Variants in FTO observed in about 807,000 individuals in gnomAD.
FTO encodes alpha-ketoglutarate-dependent dioxygenase FTO.
Under a neutral mutation model 63.9 loss-of-function variants are expected in FTO, and 47 were observed. That is an observed-to-expected ratio of 0.74 (90% CI 0.58 to 0.94). FTO has a LOEUF of 0.94. FTO is among the 40% of genes least tolerant of loss of function. The pLI is 0.00. For synonymous variants in FTO, 207 were observed against 224.4 expected (o/e 0.92, Z 0.69); for missense variants, 562 against 618.1 (o/e 0.91, Z 0.96).
intron 4 of FTO, among the ~76,000 whole-genome samples, chr16:53,862,081 C>G (rs918432644): frequency 6.6e-6 from 1 of 152,154 alleles, no homozygotes; most frequent in East Asian, 1.9e-4. Flanking sequence ...AAAACATCAT[C>G]TACTGAAAAT....
In FTO at chr16:54,114,889, G is replaced by A. The variant is rs1052461766; in HGVS notation, c.*2974G>A. 1 of 152,472 alleles carries A rather than the reference G, an allele frequency of 6.6e-6. No homozygotes were observed. Among genetic ancestry groups the A allele is most frequent in the African/African-American group, 2.4e-5 (1 of 41,458 alleles). 9.4% of individuals were successfully genotyped at this position (152,472 alleles called of 1,614,324 possible). ...ACTGCACTCCAGCCTGGGCCACGGA[G>A]CGAGAGAAGAAAGAAATGGTGACTT... On this transcript the variant is annotated 3_prime_UTR_variant, in exon 9 of 9. Coordinates refer to ENST00000471389, the MANE Select transcript of FTO (RefSeq NM_001080432.3).
rs377253844 is a variant in FTO at position 53,946,842 on chromosome 16, G to A, written c.1364+12733G>A. ...TGGGAGGCAACTGCAATGAACCCTC[G>A]GAAAGCATAGGTTTTGCTAAGGCAG... On this transcript the variant is annotated intron_variant, in intron 8 of 8. Transcript: ENST00000471389. 6.6e-5 allele frequency among the ~76,000 whole-genome samples: 10 copies of A among 152,188 alleles called. No individual in the cohort carries two copies. The East Asian group carries it at 7.7e-4, about 12-fold the overall frequency.
At chr16:53,911,537 T>A in intron 7 of FTO, 1 of 701,286 alleles carries the variant, frequency 1.4e-6, no homozygotes, top group East Asian at 2.7e-5. Context: ...TAGATGCATT[T>A]GTGTCATCTG....
intron 8 of FTO, among the ~76,000 whole-genome samples, chr16:54,063,247 C>T (rs2689247): frequency 0.069 from 10,498 of 152,246 alleles, 521 homozygotes; most frequent in East Asian, 0.14. Flanking sequence ...CAAAATACTA[C>T]TGCTGAACTG....
At chr16:53,763,132 G>C (rs2077110686) in intron 1 of FTO, among the ~76,000 whole-genome samples, 3 of 152,192 alleles carry the variant, frequency 2.0e-5, no homozygotes, top group Non-Finnish European at 4.4e-5. Flanking sequence ...AGGTTTGGAA[G>C]ATGTTTATCC....
chr16:54,012,021 C>T (rs1452521800), intron 8 of FTO, among the ~76,000 whole-genome samples: 2 of 152,202 alleles, frequency 1.3e-5, no homozygotes, highest in African/African-American at 2.4e-5. Flanking sequence ...ACATCTCTCA[C>T]TGTAATTCAA....
At chr16:53,914,228 T>G (rs1348588570) in intron 7 of FTO, among the ~76,000 whole-genome samples, 1 of 151,964 alleles carries the variant, frequency 6.6e-6, no homozygotes, top group Non-Finnish European at 1.5e-5. Context: ...TGTGATGTCT[T>G]AGAAGAAATA....
rs574886853 is a variant in FTO at position 53,708,961 on chromosome 16, A to G, written c.45+4732A>G. Among the ~76,000 whole-genome samples the G allele has an allele frequency of 2.2e-3, 342 of 152,282 alleles. 2 individuals carry two copies. Among genetic ancestry groups the G allele is most frequent in the African/African-American group, 7.9e-3 (327 of 41,572 alleles). ...ATGTGTGTTGCAAACATTATCTTCC[A>G]TTCATCTAGGTTACTTAATAGTTTT... On this transcript the variant is annotated intron_variant, in intron 1 of 8. Transcript: ENST00000471389.
In FTO at chr16:53,751,785, A is replaced by G. The variant is rs978958732; in HGVS notation, c.45+47556A>G. 2.6e-5 allele frequency among the ~76,000 whole-genome samples: 4 copies of G among 152,304 alleles called. No individual in the cohort carries two copies. In the South Asian group the frequency reaches 8.3e-4, roughly 32 times the overall value. On this transcript the variant is annotated intron_variant, in intron 1 of 8. Coordinates refer to ENST00000471389, the MANE Select transcript of FTO (RefSeq NM_001080432.3). ...TTGAATCATATACTATAAGTTGGTG[A>G]ATTTTATGTTACGTGAATTACATCT...
At chr16:53,917,148 A>G (rs1254945616) in intron 7 of FTO, among the ~76,000 whole-genome samples, 1 of 152,122 alleles carries the variant, frequency 6.6e-6, no homozygotes, top group East Asian at 1.9e-4. Flanking sequence ...AATCTGGGCC[A>G]CTCATTGAAC....
intron 1 of FTO, among the ~76,000 whole-genome samples, chr16:53,780,733 A>G (rs1236390899): frequency 6.6e-6 from 1 of 152,074 alleles, no homozygotes; most frequent in Non-Finnish European, 1.5e-5. Flanking sequence ...TTCTGCTATT[A>G]GACTGTCTGG....
chr16:53,746,399 A>G (rs114599539), intron 1 of FTO, among the ~76,000 whole-genome samples: 166 of 152,272 alleles, frequency 1.1e-3, no homozygotes, highest in African/African-American at 3.5e-3. Flanking sequence ...AGCAAGACAA[A>G]GACCTTTGTT....
chr16:54,041,916 G>A (rs577185948), intron 8 of FTO, among the ~76,000 whole-genome samples: 2 of 152,160 alleles, frequency 1.3e-5, no homozygotes, highest in Non-Finnish European at 2.9e-5. Flanking sequence ...AGAAGAGCAC[G>A]GGAGAAGATT....
At chr16:53,754,953 A>C (rs917617032) in intron 1 of FTO, among the ~76,000 whole-genome samples, 2 of 152,126 alleles carry the variant, frequency 1.3e-5, no homozygotes. Context: ...GAAGACAGAC[A>C]GTGCTAGGAC....
chr16:53,772,644 GA>G, intron 1 of FTO, among the ~76,000 whole-genome samples: 1 of 152,244 alleles, frequency 6.6e-6, no homozygotes, highest in South Asian at 2.1e-4. Context: ...GCTTGAGGAA[GA>G]CATGGATTTC....
At chr16:53,815,436 T>G (rs1217349349) in intron 2 of FTO, among the ~76,000 whole-genome samples, 1 of 152,128 alleles carries the variant, frequency 6.6e-6, no homozygotes, top group Non-Finnish European at 1.5e-5. Flanking sequence ...AGACACTGCC[T>G]CAACTATGTA....
chr16:53,820,009 T>C (rs2078810526), intron 2 of FTO, among the ~76,000 whole-genome samples: 1 of 138,442 alleles, frequency 7.2e-6, no homozygotes, highest in African/African-American at 2.5e-5. Context: ...TTTCTTCTTC[T>C]TCTTTTTTTT....
At chr16:53,788,257 AT>A (rs113935429) in intron 1 of FTO, among the ~76,000 whole-genome samples, 57,053 of 150,956 alleles carry the variant, frequency 0.38, 11,139 homozygotes, top group African/African-American at 0.47. Context: ...TACTCTTAAC[AT>A]TTTTTTCCCC....
At chr16:54,072,109 T>C (rs2144459178) in intron 8 of FTO, 1 of 152,356 alleles carries the variant, frequency 6.6e-6, no homozygotes, top group South Asian at 2.1e-4. Context: ...GCCAGGAGGC[T>C]GCTGGGCTCT....
Sources: gnomAD v4.1 joint callset for allele counts (sites outside exome capture counted in the v4.1 genomes callset) on GRCh38, gnomAD v4.1.1 for gene constraint, MANE v1.5 for transcripts, NCBI Gene and HGNC (gene_info 2026-07-23, HGNC 2026-07-21) for gene names.